SNTB1: variants seen among roughly 807,000 people sequenced by gnomAD.
SNTB1 encodes syntrophin beta 1, also known as beta-1-syntrophin.
Under a neutral mutation model 48.9 loss-of-function variants are expected in SNTB1, and 36 were observed. That is an observed-to-expected ratio of 0.74 (90% CI 0.56 to 0.97). SNTB1 has a LOEUF of 0.97. Ranked by LOEUF, SNTB1 falls within the 50% of genes least tolerant of loss-of-function variation. The pLI, the probability that SNTB1 is intolerant of heterozygous loss-of-function variation, is 0.00. For synonymous variants in SNTB1, 299 were observed against 294.6 expected, an observed-to-expected ratio of 1.01 and a Z score of -0.15; for missense variants, 786 against 703.4, an observed-to-expected ratio of 1.12 and a Z score of -1.33.
At chr8:120,663,456 G>A (rs547465241) in intron 2 of SNTB1, among the ~76,000 whole-genome samples, 18 of 152,208 alleles carry the variant, frequency 1.2e-4, no homozygotes, top group Non-Finnish European at 1.8e-4. Flanking sequence ...ACAGGCATGC[G>A]CCACCATGCC....
At chr8:120,684,119 T>C (rs940940723) in intron 2 of SNTB1, among the ~76,000 whole-genome samples, 2 of 152,216 alleles carry the variant, frequency 1.3e-5, no homozygotes, top group African/African-American at 4.8e-5. Flanking sequence ...GTGCCTATTA[T>C]GTGTCCTTAT....
chr8:120,586,353 C>A (rs911859944), intron 3 of SNTB1, among the ~76,000 whole-genome samples: 1 of 152,182 alleles, frequency 6.6e-6, no homozygotes, highest in Non-Finnish European at 1.5e-5. Context: ...TCCTATAGTG[C>A]TGGAAGTCAG....
At chr8:120,668,333 T>G (rs1431885270) in intron 2 of SNTB1, among the ~76,000 whole-genome samples, 1 of 152,202 alleles carries the variant, frequency 6.6e-6, no homozygotes, top group Non-Finnish European at 1.5e-5. Flanking sequence ...GTATCACACA[T>G]TTTACCTGCT....
intron 1 of SNTB1, among the ~76,000 whole-genome samples, chr8:120,702,109 T>C (rs540200695): frequency 6.0e-4 from 91 of 152,332 alleles, no homozygotes; most frequent in Admixed American, 3.1e-3. Context: ...TTTAATGAGC[T>C]CTTTCTGTAG....
intron 1 of SNTB1, among the ~76,000 whole-genome samples, chr8:120,739,403 A>G (rs1264384832): frequency 1.3e-5 from 2 of 152,196 alleles, no homozygotes; most frequent in Non-Finnish European, 2.9e-5. Flanking sequence ...TTCTCAGACA[A>G]TGGCATTCAG....
chr8:120,562,874 CAAAAAA>C (rs1362058488), intron 4 of SNTB1, among the ~76,000 whole-genome samples: 1 of 147,584 alleles, frequency 6.8e-6, no homozygotes, highest in East Asian at 1.9e-4. Context: ...TGCTACCGCT[CAAAAAA>C]AGAAAAAGAA....
At position 120,548,958 on chromosome 8, in the gene SNTB1, C is replaced by A. The variant is rs1334439193; in HGVS notation, c.1137G>T (p.Arg379Ser). ...CCTTTCCTGGACCTGAATGGACCAG[C>A]CTGGAGAGAGAGAGAGAGAGACATC... Reference protein sequence around the residue: ...PVHTYPLLATRLVHSGPGKGS... With the variant: ...PVHTYPLLATSLVHSGPGKGS... Residue 379 changes from arginine to serine, a missense_variant and splice_region_variant, in exon 5 of 7, where the codon AGG becomes AGT. Arg to Ser is a moderately radical substitution (Grantham distance 110). Coordinates refer to ENST00000517992, the MANE Select transcript of SNTB1 (RefSeq NM_021021.4). 1 of 1,560,578 alleles carries A rather than the reference C, an allele frequency of 6.4e-7. No homozygotes were observed. Among genetic ancestry groups the A allele is most frequent in the South Asian group, 1.2e-5 (1 of 81,790 alleles).
chr8:120,549,989 G>A (rs1284080514), intron 4 of SNTB1, among the ~76,000 whole-genome samples: 1 of 152,120 alleles, frequency 6.6e-6, no homozygotes, highest in Non-Finnish European at 1.5e-5. Flanking sequence ...TAGGCAAAAG[G>A]CTTGTTACCC....
chr8:120,610,527 G>C (rs1034856122), intron 3 of SNTB1, among the ~76,000 whole-genome samples: 1 of 126,688 alleles, frequency 7.9e-6, no homozygotes, highest in African/African-American at 2.5e-5. Flanking sequence ...AGCCCACTGA[G>C]CAGGACTAAA....
chr8:120,720,499 T>C (rs941139008), intron 1 of SNTB1, among the ~76,000 whole-genome samples: 3 of 152,216 alleles, frequency 2.0e-5, no homozygotes, highest in Non-Finnish European at 4.4e-5. Flanking sequence ...CAGACAACTA[T>C]TGAACATTCA....
intron 3 of SNTB1, among the ~76,000 whole-genome samples, chr8:120,624,328 C>T (rs1311319468): frequency 1.3e-5 from 2 of 152,148 alleles, no homozygotes; most frequent in Non-Finnish European, 1.5e-5. Flanking sequence ...CTGGTGAGGA[C>T]CTTCTTGCTG....
chr8:120,656,598 C>A (rs899450211), intron 2 of SNTB1, among the ~76,000 whole-genome samples: 2 of 152,120 alleles, frequency 1.3e-5, no homozygotes, highest in Admixed American at 1.3e-4. Flanking sequence ...CTATGCAGGG[C>A]AAATAAATGT....
chr8:120,726,208 T>C lies in SNTB1; in HGVS notation c.572-32300A>G, dbSNP rs141255418. Among the ~76,000 whole-genome samples the C allele has an allele frequency of 3.7e-3, 563 of 152,354 alleles. 4 individuals carry two copies. Among genetic ancestry groups the C allele is most frequent in the African/African-American group, 0.013 (538 of 41,578 alleles). On this transcript the variant is annotated intron_variant, in intron 1 of 6. Coordinates refer to ENST00000517992, the MANE Select transcript of SNTB1 (RefSeq NM_021021.4). Reference sequence around the variant, plus strand: ...TATTCAGTTTTGAAAAATCTATTTTTGTACACATACATTTCTGAAGAAATC... The same window carrying C: ...TATTCAGTTTTGAAAAATCTATTTTCGTACACATACATTTCTGAAGAAATC...
At chr8:120,639,915 A>G (rs925157757) in intron 2 of SNTB1, among the ~76,000 whole-genome samples, 1 of 152,112 alleles carries the variant, frequency 6.6e-6, no homozygotes, top group African/African-American at 2.4e-5. Context: ...TTCTGTGAAG[A>G]AAGTCATTGG....
chr8:120,577,030 T>G (rs1382488585), intron 3 of SNTB1, among the ~76,000 whole-genome samples: 1 of 152,156 alleles, frequency 6.6e-6, no homozygotes, highest in African/African-American at 2.4e-5. Flanking sequence ...TCAAAAATGG[T>G]GTCCTTTGGA....
intron 1 of SNTB1, among the ~76,000 whole-genome samples, chr8:120,755,719 T>TA (rs1166180727): frequency 6.6e-6 from 1 of 152,140 alleles, no homozygotes; most frequent in Non-Finnish European, 1.5e-5. Context: ...ACCTATTACT[T>TA]ACGCTAACTC....
At chr8:120,763,357 T>C (rs1384246338) in intron 1 of SNTB1, among the ~76,000 whole-genome samples, 1 of 152,200 alleles carries the variant, frequency 6.6e-6, no homozygotes, top group Non-Finnish European at 1.5e-5. Context: ...AAGGGGTTGA[T>C]TTCATTGTTA....
intron 3 of SNTB1, among the ~76,000 whole-genome samples, chr8:120,583,483 G>A (rs1392733556): frequency 6.7e-6 from 1 of 149,890 alleles, no homozygotes; most frequent in Non-Finnish European, 1.5e-5. Context: ...CTTCACTCCA[G>A]CCTGGGTGAA....
intron 1 of SNTB1, among the ~76,000 whole-genome samples, chr8:120,777,720 CAGA>C (rs1425763822): frequency 3.3e-5 from 5 of 152,190 alleles, no homozygotes; most frequent in Non-Finnish European, 5.9e-5. Flanking sequence ...AAGCTTTGAA[CAGA>C]AGGTTAAATC....
Sources: allele counts gnomAD v4.1 joint callset (sites outside exome capture counted in the v4.1 genomes callset), GRCh38; gene constraint gnomAD v4.1.1; transcripts MANE v1.5; gene names NCBI Gene and HGNC (gene_info 2026-07-23, HGNC 2026-07-21).